PLK3: variants seen among roughly 807,000 people sequenced by gnomAD.
PLK3 encodes the protein polo like kinase 3, also known as serine/threonine-protein kinase PLK3.
Under a neutral mutation model 71.6 loss-of-function variants are expected in PLK3, and 41 were observed. The observed-to-expected ratio is 0.57, with a 90% CI of 0.45 to 0.74. The LOEUF (loss-of-function observed/expected upper bound fraction) is 0.74, where lower values mean the gene tolerates loss of function less well. Among genes scored for constraint, PLK3 ranks in the 30% least tolerant of loss-of-function variants. PLK3 has a pLI of 0.00. For missense variants in PLK3, 791 were observed against 875.6 expected (o/e 0.90, Z 1.22); for synonymous variants, 366 against 355.4 (o/e 1.03, Z -0.33).
rs1418560064 is a variant in PLK3, at chr1:44,803,263, C to T, written c.949-5C>T. The T allele has an allele frequency of 6.2e-7, 1 of 1,614,008 alleles. No homozygotes were observed. Among genetic ancestry groups the T allele is most frequent in the South Asian group, 1.1e-5 (1 of 91,074 alleles). ...CTTCTCTGTTCACATGGTTCCCCTC[C>T]CTAGGGCTACACCCCCGATCGACTC... is the stretch of plus-strand genomic sequence containing the variant. On this transcript the variant is annotated splice_polypyrimidine_tract_variant and splice_region_variant and intron_variant, in intron 7 of 14. Coordinates refer to ENST00000372201, the MANE Select transcript of PLK3 (RefSeq NM_004073.4). This position sits in a 1 kb window ranked among gnomAD's most constrained non-coding sequence, Gnocchi z 4.3.
At position 44,802,761 on chromosome 1, in the gene PLK3, A is replaced by G; in HGVS notation, c.655A>G (p.Thr219Ala). 1 of 1,611,602 alleles carries G rather than the reference A, an allele frequency of 6.2e-7. No individual in the cohort carries two copies. Among genetic ancestry groups the G allele is most frequent in the Non-Finnish European group, 8.5e-7 (1 of 1,178,512 alleles). Residue 219 changes from threonine to alanine, a missense_variant and splice_region_variant, in exon 6 of 15, where the codon ACC becomes GCC. Transcript: ENST00000372201. The part of the protein sequence containing the change: ...RLEPPEQRKK[T>A]ICGTPNYVAP... ...CTCCTCCTCCCCACCCTCTTTCAGG[A>G]CCATCTGTGGCACCCCCAACTATGT...
At position 44,804,688 on chromosome 1, in the gene PLK3, CCTT is replaced by C. The variant is rs1557624222; in HGVS notation, c.1547_1549del (p.Phe516del). 1.2e-6 allele frequency: 2 copies of C among 1,613,992 alleles called. No homozygotes were observed. Among genetic ancestry groups the C allele is most frequent in the East Asian group, 2.2e-5 (1 of 44,896 alleles). ...AATCCCACCAGCACAAAGCACTTCT[CCTT>C]CTCCGTGGGTGCTGTGCCCCGGGCC... On this transcript the variant is annotated inframe_deletion, in exon 13 of 15. Coordinates refer to ENST00000372201, the MANE Select transcript of PLK3 (RefSeq NM_004073.4).
chr1:44,805,742 C>A lies in PLK3; in HGVS notation c.*64C>A, dbSNP rs1012154790. On this transcript the variant is annotated 3_prime_UTR_variant, in exon 15 of 15. Coordinates refer to ENST00000372201, the MANE Select transcript of PLK3 (RefSeq NM_004073.4). ...CTCTGGCCCTTGCCTTTGTGGCCTT[C>A]CCCCTTCCTTTGGTGCCTCACTGGG... The A allele has an allele frequency of 1.3e-5, 20 of 1,523,432 alleles. No homozygotes were observed. In the Admixed American group the frequency reaches 2.3e-4, roughly 18 times the overall value. 94.4% of individuals were successfully genotyped at this position (1,523,432 alleles called of 1,614,324 possible).
chr1:44,802,809 C>G lies in PLK3; in HGVS notation c.703C>G (p.Gln235Glu), dbSNP rs1418985166. The G allele has an allele frequency of 6.2e-7, 1 of 1,613,970 alleles. No homozygotes were observed. Among genetic ancestry groups the G allele is most frequent in the Admixed American group, 1.7e-5 (1 of 60,018 alleles). Residue 235 changes from glutamine (Q) to glutamate (E), a missense_variant, in exon 6 of 15, where the codon CAG becomes GAG. Physicochemically the swap from Gln to Glu is conservative, Grantham distance 29. Transcript: ENST00000372201. ...NYVAPEVLLR[Q>E]GHGPEADVWS... ...TGTGGCTCCAGAAGTGCTGCTGAGACAGGGCCACGGCCCTGAGGCGGATGT... is the reference window on the plus strand; with the variant it reads ...TGTGGCTCCAGAAGTGCTGCTGAGAGAGGGCCACGGCCCTGAGGCGGATGT...
chr1:44,800,858 T>C lies in PLK3; in HGVS notation c.229T>C (p.Tyr77His), dbSNP rs373295341. 5.4e-5 allele frequency: 87 copies of C among 1,610,832 alleles called. 1 individual carries two copies. The Middle Eastern group carries it at 7.7e-4, about 14-fold the overall frequency. The change falls in exon 2 of 15, where the codon TAC becomes CAC. Residue 77 changes from tyrosine to histidine, a missense_variant. By Grantham distance (83) the Tyr-to-His change is moderately conservative. Transcript: ENST00000372201. The surrounding 1 kb of genome is among the most constrained non-coding windows in gnomAD (Gnocchi z 6.5). ...LLGKGGFARC[Y>H]EATDTETGSA... ...TTCACAGGGGGGCTTCGCCCGCTGC[T>C]ACGAGGCCACTGACACAGAGACTGG... is the stretch of plus-strand genomic sequence containing the variant.
chr1:44,800,640 C>T lies in PLK3; in HGVS notation c.177C>T (p.Gly59=), dbSNP rs1031301412. 3 of 1,544,862 alleles carry T rather than the reference C, an allele frequency of 1.9e-6. No homozygotes were observed. The highest frequency in any genetic ancestry group is 3.9e-5 in the Admixed American group (2 of 51,320). ...PGRLITDPRS[G]RTYLKGRLLG... is the part of the protein sequence containing the mutation. ...GCCTCATCACGGACCCGCGCAGCGGCCGCACCTACCTCAAAGGCCGCTTGT... is the reference window on the plus strand; with the variant it reads ...GCCTCATCACGGACCCGCGCAGCGGTCGCACCTACCTCAAAGGCCGCTTGT... Residue 59 remains glycine (G), a synonymous_variant, in exon 1 of 15, where the codon GGC becomes GGT. Transcript: ENST00000372201. This position sits in a 1 kb window ranked among gnomAD's most constrained non-coding sequence, Gnocchi z 6.5.
At position 44,803,057 on chromosome 1, in the gene PLK3, A is replaced by G. The variant is rs144588011; in HGVS notation, c.852A>G (p.Ser284=). The G allele has an allele frequency of 3.2e-4, 519 of 1,613,804 alleles. 2 individuals are homozygous for G. In the African/African-American group the frequency reaches 6.5e-3, roughly 20 times the overall value. The change falls in exon 7 of 15, where the codon TCA becomes TCG. Residue 284 remains serine (S), a synonymous_variant. Coordinates refer to ENST00000372201, the MANE Select transcript of PLK3 (RefSeq NM_004073.4). The surrounding 1 kb of genome is among the most constrained non-coding windows in gnomAD (Gnocchi z 4.3). ...QVHYTLPASL[S]LPARQLLAAI... ...ACTACACGCTGCCTGCCAGCCTCTC[A>G]CTGCCTGCCCGGCAGCTCCTGGCCG...
Position 44,803,914 on chromosome 1 carries a change from C to T in PLK3, c.1165-17C>T. ...TTTGGGGCCTGTGTCACTCCCTTTC[C>T]CTGCCCAACCCTCCAGGCTCCAGCA... is the stretch of plus-strand genomic sequence containing the variant. On this transcript the variant is annotated splice_polypyrimidine_tract_variant and intron_variant, in intron 9 of 14. Transcript: ENST00000372201. This position sits in a 1 kb window ranked among gnomAD's most constrained non-coding sequence, Gnocchi z 4.3. 1.3e-6 allele frequency: 2 copies of T among 1,536,536 alleles called. No individual in the cohort carries two copies. The highest frequency in any genetic ancestry group is 1.8e-6 in the Non-Finnish European group (2 of 1,134,198).
rs1573609911 is a variant in PLK3, at chr1:44,800,458, G to T, written c.-6G>T. The T allele has an allele frequency of 7.4e-7, 1 of 1,358,390 alleles. No individual in the cohort carries two copies. Among genetic ancestry groups the T allele is most frequent in the East Asian group, 3.2e-5 (1 of 31,682 alleles). The allele number at this position is 1,358,390 out of a possible 1,614,324, so 84.1% of individuals were successfully genotyped here. On this transcript the variant is annotated 5_prime_UTR_variant, in exon 1 of 15. Transcript: ENST00000372201. This position sits in a 1 kb window ranked among gnomAD's most constrained non-coding sequence, Gnocchi z 6.5. ...AGCCGGGACCGCGCTGCGACGCGCC[G>T]GCCGCATGGAGCCTGCCGCCGGTTT...
intron 3 of PLK3, 35 bp from the exon 4 acceptor site, chr1:44,801,587 G>C (rs1557621979): frequency 6.2e-7 from 1 of 1,604,732 alleles, no homozygotes; most frequent in Admixed American, 1.7e-5. Flanking sequence ...GGGGAGGGAG[G>C]GCTCACCAGG....
chr1:44,801,983 T>C (rs775305276), intron 5 of PLK3, 51 bp downstream of exon 5: 55 of 1,369,476 alleles, frequency 4.0e-5, no homozygotes, highest in Non-Finnish European at 5.4e-5. Context: ...ACATGCGTGA[T>C]AGACAGTGCA....
chr1:44,803,735 C>T lies in PLK3; in HGVS notation c.1164+44C>T, dbSNP rs1375201428. 1 of 1,449,926 alleles carries T rather than the reference C, an allele frequency of 6.9e-7. No individual in the cohort carries two copies. Among genetic ancestry groups the T allele is most frequent in the African/African-American group, 1.4e-5 (1 of 71,398 alleles). 89.8% of individuals were successfully genotyped at this position (1,449,926 alleles called of 1,614,324 possible). On this transcript the variant is annotated intron_variant, in intron 9 of 14. Transcript: ENST00000372201. This position sits in a 1 kb window ranked among gnomAD's most constrained non-coding sequence, Gnocchi z 4.3. ...CACTGTTCCCCTGACTCACCCCCAC[C>T]CTAGCAGCTGAGGGAAGCCGGGGAT...
At chr1:44,801,283 C>G (rs1178794278) in intron 3 of PLK3, 131 bp downstream of exon 3, 1 of 622,748 alleles carries the variant, frequency 1.6e-6, no homozygotes, top group Non-Finnish European at 2.7e-6. Flanking sequence ...GATCTCGGCT[C>G]ACTGCAATCT....
At position 44,802,965 on chromosome 1, in the gene PLK3, C is replaced by G; in HGVS notation, c.760C>G (p.Leu254Val). 1 of 1,614,022 alleles carries G rather than the reference C, an allele frequency of 6.2e-7. No homozygotes were observed. The highest frequency in any genetic ancestry group is 1.1e-5 in the South Asian group (1 of 91,084). Reference protein sequence around the residue: ...WSLGCVMYTLLCGSPPFETAD... With the variant: ...WSLGCVMYTLVCGSPPFETAD... ...GGCCCTGCCCTATAGGTACACGCTG[C>G]TCTGCGGGAGCCCTCCCTTTGAGAC... The change falls in exon 7 of 15, where the codon CTC becomes GTC. Residue 254 changes from leucine to valine, a missense_variant. Transcript: ENST00000372201.
rs1489465139 is a variant in PLK3, at chr1:44,803,956, C to G, written c.1190C>G (p.Pro397Arg). The change falls in exon 10 of 15, where the codon CCT becomes CGT. Residue 397 changes from proline (P) to arginine (R), a missense_variant. Transcript: ENST00000372201. This position sits in a 1 kb window ranked among gnomAD's most constrained non-coding sequence, Gnocchi z 4.3. Reference sequence around the variant, plus strand: ...GCTCCAGCAGCTTCTGGCCCAGCCCCTGTCAGCCTGGTAGAGACAGCACCT... The same window carrying G: ...GCTCCAGCAGCTTCTGGCCCAGCCCGTGTCAGCCTGGTAGAGACAGCACCT... Reference protein sequence around the residue: ...PEAPAASGPAPVSLVETAPED... With the variant: ...PEAPAASGPARVSLVETAPED... 1 of 1,551,894 alleles carries G rather than the reference C, an allele frequency of 6.4e-7. No individual in the cohort carries two copies. The highest frequency in any genetic ancestry group is 1.7e-4 in the Middle Eastern group (1 of 5,900).
intron 3 of PLK3, 135 bp from the exon 4 acceptor site, chr1:44,801,487 C>G: frequency 1.1e-6 from 1 of 923,516 alleles, no homozygotes; most frequent in Non-Finnish European, 1.6e-6. Flanking sequence ...GGATTACAGG[C>G]GTGAGCCACT....
In PLK3 at chr1:44,805,953, G is replaced by C. The variant is rs1362953951; in HGVS notation, c.*275G>C. On this transcript the variant is annotated 3_prime_UTR_variant, in exon 15 of 15. Coordinates refer to ENST00000372201, the MANE Select transcript of PLK3 (RefSeq NM_004073.4). ...TTATTTATTGGGATGTGAGCCCCAGGGGGGCCTCCTCCTAGGATAATAAAC... is the reference window on the plus strand; with the variant it reads ...TTATTTATTGGGATGTGAGCCCCAGCGGGGCCTCCTCCTAGGATAATAAAC... 6.6e-7 allele frequency: 1 copy of C among 1,509,138 alleles called. No homozygotes were observed. 93.5% of individuals were successfully genotyped at this position (1,509,138 alleles called of 1,614,324 possible).
intron 13 of PLK3, 53 bp from the exon 14 acceptor site, chr1:44,805,213 G>C (rs1651984176): frequency 8.6e-7 from 1 of 1,168,448 alleles, no homozygotes; most frequent in African/African-American, 1.5e-5. Flanking sequence ...TACACTAATG[G>C]GGAGGGGGCT....
At chr1:44,801,796 A>C in intron 4 of PLK3, 45 bp downstream of exon 4, 1 of 400,782 alleles carries the variant, frequency 2.5e-6, no homozygotes, top group Non-Finnish European at 5.1e-6. Flanking sequence ...GGAGGGAGGG[A>C]GGGAGGGAGG....
Sources: allele counts gnomAD v4.1 joint callset, GRCh38; gene constraint gnomAD v4.1.1; non-coding constraint Gnocchi (gnomAD v3.1); transcripts MANE v1.5; gene names NCBI Gene and HGNC (gene_info 2026-07-23, HGNC 2026-07-21).